MON2: variants seen among roughly 807,000 people sequenced by gnomAD.
MON2 encodes the protein MON2 regulator of endosome-to-Golgi trafficking.
MON2 carries 84 observed loss-of-function variants against 208.6 expected under a neutral mutation model. The observed-to-expected ratio is 0.40, with a 90% CI of 0.34 to 0.48. The LOEUF (loss-of-function observed/expected upper bound fraction) is 0.48, where lower values mean the gene tolerates loss of function less well. Ranked by LOEUF, MON2 falls within the 20% of genes least tolerant of loss-of-function variation. MON2 has a pLI of 0.59. For synonymous variants in MON2, 660 were observed against 694.0 expected (o/e 0.95, Z 0.77); for missense variants, 1,611 against 2,015.4 (o/e 0.80, Z 3.84).
rs772168022 is a variant in MON2 at position 62,561,071 on chromosome 12, T to A, written c.3990T>A (p.Ser1330Arg). 1 of 1,612,992 alleles carries A rather than the reference T, an allele frequency of 6.2e-7. No individual in the cohort carries two copies. Among genetic ancestry groups the A allele is most frequent in the South Asian group, 1.1e-5 (1 of 90,850 alleles). Residue 1330 changes from serine to arginine, a missense_variant, in exon 26 of 35, where the codon AGT becomes AGA. By Grantham distance (110) the Ser-to-Arg change is moderately radical (BLOSUM62 -1). Coordinates refer to ENST00000393630, the MANE Select transcript of MON2 (RefSeq NM_015026.3). Reference sequence around the variant, plus strand: ...CTTATACCGAAGCAGTTTTGACAAGTTTACAGGAAGCTGTACTTACAGCTT... The same window carrying A: ...CTTATACCGAAGCAGTTTTGACAAGATTACAGGAAGCTGTACTTACAGCTT... Reference protein sequence around the residue: ...LPSYTEAVLTSLQEAVLTALD... With the variant: ...LPSYTEAVLTRLQEAVLTALD...
intron 21 of MON2, among the ~76,000 whole-genome samples, chr12:62,546,475 C>G (rs1440995424): frequency 6.6e-6 from 1 of 152,010 alleles, no homozygotes; most frequent in Admixed American, 6.6e-5. Flanking sequence ...AAATTCCAAA[C>G]GGGCATGGTG....
At chr12:62,570,760 G>GTCTC (rs2074567392) in intron 29 of MON2, among the ~76,000 whole-genome samples, 1 of 105,954 alleles carries the variant, frequency 9.4e-6, no homozygotes, top group Admixed American at 1.3e-4. Context: ...TTGAGACAGA[G>GTCTC]TCTCACTCTG....
At chr12:62,561,271 A>G (rs1477857969) in intron 26 of MON2, among the ~76,000 whole-genome samples, 158 bp downstream of exon 26, 2 of 152,138 alleles carry the variant, frequency 1.3e-5, no homozygotes, top group South Asian at 4.1e-4. Context: ...GGTATTTTGA[A>G]AACTTGTGGA....
rs80143382 is a variant in MON2 at position 62,531,605 on chromosome 12, G to A, written c.1401-833G>A. Among the ~76,000 whole-genome samples, 50 of 152,054 alleles carry A rather than the reference G, an allele frequency of 3.3e-4. No individual in the cohort carries two copies. In the East Asian group the frequency reaches 9.1e-3, roughly 28 times the overall value. On this transcript the variant is annotated intron_variant, in intron 11 of 34. Transcript: ENST00000393630. ...TTCTGAAAACTTTCTCCTAACTATG[G>A]GGTAAAAAATTGCTCCGCAGTTTGA...
In MON2 at chr12:62,467,237, G is replaced by A; in HGVS notation, c.30G>A (p.Val10=). 1 of 1,613,796 alleles carries A rather than the reference G, an allele frequency of 6.2e-7. No individual in the cohort carries two copies. MSGTSSPEA[V]KKLLENMQSD... ...CCGGCACCAGCAGCCCCGAGGCGGT[G>A]AAGAAGCTGCTGGAGAATATGCAGA... The change falls in exon 1 of 35, where the codon GTG becomes GTA. Residue 10 remains valine (V), a synonymous_variant. Transcript: ENST00000393630.
At chr12:62,555,393 A>T (rs2073921320) in intron 24 of MON2, among the ~76,000 whole-genome samples, 1 of 151,742 alleles carries the variant, frequency 6.6e-6, no homozygotes, top group South Asian at 2.1e-4. Flanking sequence ...CATGTTGCCC[A>T]GGCTGGTCTT....
At chr12:62,472,410 C>T (rs552507671) in intron 1 of MON2, among the ~76,000 whole-genome samples, 1 of 152,048 alleles carries the variant, frequency 6.6e-6, no homozygotes, top group Non-Finnish European at 1.5e-5. Flanking sequence ...GGATAGATTC[C>T]TTTTCTCTCT....
At chr12:62,521,021 T>A (rs1277213700) in intron 8 of MON2, among the ~76,000 whole-genome samples, 1 of 151,616 alleles carries the variant, frequency 6.6e-6, no homozygotes, top group Non-Finnish European at 1.5e-5. Flanking sequence ...TCTTTTTTTT[T>A]AAAGATGGAA....
At chr12:62,512,678 G>A (rs995685748) in intron 8 of MON2, among the ~76,000 whole-genome samples, 4 of 152,154 alleles carry the variant, frequency 2.6e-5, no homozygotes, top group Non-Finnish European at 5.9e-5. Flanking sequence ...GTGTCTGGAC[G>A]GTGGCCCTCT....
intron 4 of MON2, among the ~76,000 whole-genome samples, chr12:62,497,967 A>C (rs927406552): frequency 1.3e-5 from 2 of 151,980 alleles, no homozygotes; most frequent in African/African-American, 4.8e-5. Context: ...TGACCCATCC[A>C]TTTCACTTCC....
chr12:62,576,280 A>T (rs1057403557), intron 30 of MON2, among the ~76,000 whole-genome samples: 1 of 152,078 alleles, frequency 6.6e-6, no homozygotes, highest in Non-Finnish European at 1.5e-5. Flanking sequence ...CCATAGAGAC[A>T]AAGTAGATTT....
At chr12:62,495,526 T>C (rs866235058) in intron 4 of MON2, among the ~76,000 whole-genome samples, 1 of 151,880 alleles carries the variant, frequency 6.6e-6, no homozygotes, top group African/African-American at 2.4e-5. Flanking sequence ...CCGTCTCTAC[T>C]AAAAATACAA....
At chr12:62,497,611 CTTTCT>C (rs1245054764) in intron 4 of MON2, among the ~76,000 whole-genome samples, 1 of 151,882 alleles carries the variant, frequency 6.6e-6, no homozygotes, top group Non-Finnish European at 1.5e-5. Context: ...CTGGCGGTTT[CTTTCT>C]TTTCTTTTCT....
At chr12:62,545,103 G>C in intron 21 of MON2, 95 bp downstream of exon 21, 1 of 727,114 alleles carries the variant, frequency 1.4e-6, no homozygotes, top group Non-Finnish European at 2.2e-6. Context: ...CATATTCTAA[G>C]AGTAGGGTTT....
At position 62,585,446 on chromosome 12, in the gene MON2, G is replaced by A. The variant is rs576396753; in HGVS notation, c.4852G>A (p.Val1618Ile). ...AGTGCTTTTAAAGAGGTCCCAAGAT[G>A]TACTACATCGCTATATAGAGGATGA... The part of the protein sequence containing the change: ...LSVLLKRSQD[V>I]LHRYIEDERL... Residue 1618 changes from valine to isoleucine, a missense_variant, in exon 33 of 35, where the codon GTA becomes ATA. By Grantham distance (29) the Val-to-Ile change is conservative. Coordinates refer to ENST00000393630, the MANE Select transcript of MON2 (RefSeq NM_015026.3). 3 of 1,613,588 alleles carry A rather than the reference G, an allele frequency of 1.9e-6. No individual in the cohort carries two copies. In the South Asian group the frequency reaches 3.3e-5, roughly 18 times the overall value.
In MON2 at chr12:62,600,439, A is replaced by ATT. The variant is rs1256195303; in HGVS notation, c.*7691_*7692insTT. On this transcript the variant is annotated 3_prime_UTR_variant, in exon 35 of 35. Coordinates refer to ENST00000393630, the MANE Select transcript of MON2 (RefSeq NM_015026.3). Reference sequence around the variant, plus strand: ...AACCGCATATATAAAATAATACTGGATACAAGACTATACAATTAAATACTG... The same window carrying ATT: ...AACCGCATATATAAAATAATACTGGATTTACAAGACTATACAATTAAATACTG... 6.6e-6 allele frequency: 1 copy of ATT among 152,216 alleles called. No individual in the cohort carries two copies. 9.4% of individuals were successfully genotyped at this position (152,216 alleles called of 1,614,324 possible). A position where few individuals can be genotyped will look rare whatever the true frequency, so the allele number is the denominator to read the frequency against.
At chr12:62,500,399 T>C (rs1241080142) in intron 5 of MON2, among the ~76,000 whole-genome samples, 2 of 152,024 alleles carry the variant, frequency 1.3e-5, no homozygotes, top group Non-Finnish European at 2.9e-5. Context: ...AATAGTGAAA[T>C]GGTAGAGGAG....
At chr12:62,574,653 AG>A (rs1314821583) in intron 30 of MON2, among the ~76,000 whole-genome samples, 2 of 152,156 alleles carry the variant, frequency 1.3e-5, no homozygotes, top group Non-Finnish European at 2.9e-5. Context: ...CAAGTAACAC[AG>A]TATCAGTATT....
chr12:62,584,665 T>TG (rs2075132718), intron 32 of MON2, among the ~76,000 whole-genome samples: 1 of 132,254 alleles, frequency 7.6e-6, no homozygotes, highest in Non-Finnish European at 1.5e-5. Context: ...ATTACACCAC[T>TG]GCACTCCTGC....
Sources: gnomAD v4.1 joint callset for allele counts (sites outside exome capture counted in the v4.1 genomes callset) on GRCh38, gnomAD v4.1.1 for gene constraint, MANE v1.5 for transcripts, NCBI Gene and HGNC (gene_info 2026-07-23, HGNC 2026-07-21) for gene names.